CLK1: variants seen among roughly 807,000 people sequenced by gnomAD.
CLK1 encodes the protein CDC like kinase 1.
In CLK1, 40 loss-of-function variants were observed where a neutral mutation model predicts 60.9. That is an observed-to-expected ratio of 0.66 (90% CI 0.51 to 0.86). The LOEUF (loss-of-function observed/expected upper bound fraction) is 0.86. Ranked by LOEUF, CLK1 falls within the 40% of genes least tolerant of loss-of-function variation. The pLI, the probability that CLK1 is intolerant of heterozygous loss-of-function variation, is 0.00. For missense variants in CLK1, 563 were observed against 606.1 expected (o/e 0.93, Z 0.75); for synonymous variants, 203 against 184.4 (o/e 1.10, Z -0.82).
At chr2:200,862,811 AATC>A (rs574134049) in intron 1 of CLK1, among the ~76,000 whole-genome samples, 127 of 152,376 alleles carry the variant, frequency 8.3e-4, no homozygotes, top group African/African-American at 2.8e-3. Context: ...TTGCTGACAG[AATC>A]ATCATTACAG....
chr2:200,861,438 C>A lies in CLK1; in HGVS notation c.190G>T (p.Glu64Ter), dbSNP rs765219878. ...SHYLESRSIN[E>*]KDYHSRRYID... Reference sequence around the variant, plus strand: ...TAGCGTCGACTATGATAATCTTTCTCATTTATAGACCTGCTTTCCAAATAA... The same window carrying A: ...TAGCGTCGACTATGATAATCTTTCTAATTTATAGACCTGCTTTCCAAATAA... Residue 64 changes from glutamate (E) to a stop codon, truncating the protein, a stop_gained, in exon 3 of 13, where the codon GAG becomes TAG. Coordinates refer to ENST00000321356, the MANE Select transcript of CLK1 (RefSeq NM_004071.4). LOFTEE classifies it high-confidence loss of function. 9.3e-6 allele frequency: 15 copies of A among 1,613,752 alleles called. No individual in the cohort carries two copies. Among genetic ancestry groups the A allele is most frequent in the Non-Finnish European group, 1.2e-5 (14 of 1,179,938 alleles).
At position 200,859,681 on chromosome 2, in the gene CLK1, C is replaced by T. The variant is rs1052836339; in HGVS notation, c.547G>A (p.Ala183Thr). 1 of 1,612,448 alleles carries T rather than the reference C, an allele frequency of 6.2e-7. No homozygotes were observed. Among genetic ancestry groups the T allele is most frequent in the Non-Finnish European group, 8.5e-7 (1 of 1,179,276 alleles). Residue 183 changes from alanine (A) to threonine (T), a missense_variant and splice_region_variant, in exon 5 of 13, where the codon GCG becomes ACG. Ala to Thr is a moderately conservative substitution (Grantham distance 58, BLOSUM62 0). Coordinates refer to ENST00000321356, the MANE Select transcript of CLK1 (RefSeq NM_004071.4). Reference sequence around the variant, plus strand: ...GTAATCCCAACATGGGAAACTTACGCTTTATGATCGATGCACTCCACAACT... The same window carrying T: ...GTAATCCCAACATGGGAAACTTACGTTTTATGATCGATGCACTCCACAACT... ...GKVVECIDHK[A>T]GGRHVAVKIV...
At chr2:200,855,619 C>G (rs1276744222) in intron 9 of CLK1, among the ~76,000 whole-genome samples, 1 of 79,100 alleles carries the variant, frequency 1.3e-5, no homozygotes, top group African/African-American at 4.5e-5. Flanking sequence ...AGCAAGACTC[C>G]GCCCCCCCCC....
intron 9 of CLK1, 55 bp downstream of exon 9, chr2:200,856,627 A>AT: frequency 6.7e-7 from 1 of 1,493,124 alleles, no homozygotes; most frequent in African/African-American, 1.4e-5. Flanking sequence ...TGCTAAAAAA[A>AT]TTTTAAGTCT....
intron 3 of CLK1, 53 bp from the exon 4 acceptor site, chr2:200,860,268 G>A: frequency 4.3e-6 from 7 of 1,611,204 alleles, no homozygotes; most frequent in Non-Finnish European, 5.9e-6. Flanking sequence ...CAATATACCC[G>A]AGTGAATTCA....
In CLK1 at chr2:200,853,387, C is replaced by T. The variant is rs1559324935; in HGVS notation, c.1374G>A (p.Leu458=). The T allele has an allele frequency of 8.1e-6, 13 of 1,613,160 alleles. No individual in the cohort carries two copies. Among genetic ancestry groups the T allele is most frequent in the Middle Eastern group, 1.7e-4 (1 of 6,060 alleles). ...ERLFDLIQKM[L]EYDPAKRITL... The stretch of plus-strand genomic sequence containing the variant: ...TAATTCTTTTGGCTGGATCATACTC[C>T]AACATTTTCTGAATGAGGTCAAAGA... Residue 458 remains leucine (L), a synonymous_variant, in exon 13 of 13, where the codon TTG becomes TTA. Transcript: ENST00000321356.
chr2:200,857,950 C>A (rs1167145101), intron 6 of CLK1, 23 bp downstream of exon 6: 8 of 1,611,662 alleles, frequency 5.0e-6, no homozygotes, highest in Non-Finnish European at 5.9e-6. Context: ...ATACCACTTC[C>A]CAAGTTCTAA....
At chr2:200,853,531 T>C (rs1425344775) in intron 12 of CLK1, 82 bp from the exon 13 acceptor site, 1 of 1,261,792 alleles carries the variant, frequency 7.9e-7, no homozygotes. Context: ...AAACCATATA[T>C]ATATAACCAC....
chr2:200,857,226 A>T, intron 7 of CLK1: 1 of 480,758 alleles, frequency 2.1e-6, no homozygotes, highest in East Asian at 3.7e-5. Context: ...GAATCACTTG[A>T]ACTGGGGAGG....
intron 9 of CLK1, 144 bp downstream of exon 9, chr2:200,856,538 G>A (rs1368111269): frequency 1.6e-5 from 10 of 606,744 alleles, no homozygotes; most frequent in Non-Finnish European, 2.8e-5. Context: ...ACAATTGAGA[G>A]CTTAAAATCC....
chr2:200,859,388 T>C (rs1246946071), intron 5 of CLK1, among the ~76,000 whole-genome samples: 1 of 151,894 alleles, frequency 6.6e-6, no homozygotes, highest in South Asian at 2.1e-4. Flanking sequence ...ACCACTAATA[T>C]GGTGGGGGAA....
At chr2:200,864,120 C>T in intron 1 of CLK1, 1 of 1,551,124 alleles carries the variant, frequency 6.4e-7, no homozygotes, top group Non-Finnish European at 8.7e-7. Flanking sequence ...CGTTTCCCCA[C>T]AGCTGCTTGG....
intron 11 of CLK1, among the ~76,000 whole-genome samples, 183 bp downstream of exon 11, chr2:200,854,433 G>A (rs1383913552): frequency 6.6e-6 from 1 of 151,770 alleles, no homozygotes; most frequent in Non-Finnish European, 1.5e-5. Flanking sequence ...CTACTCGGGA[G>A]GCTGAGACAG....
intron 10 of CLK1, 128 bp from the exon 11 acceptor site, chr2:200,854,823 G>T: frequency 1.2e-6 from 1 of 805,328 alleles, no homozygotes; most frequent in Non-Finnish European, 2.1e-6. Context: ...ACATGGACAC[G>T]GATAATTGCT....
chr2:200,859,537 C>A, intron 5 of CLK1, 143 bp downstream of exon 5: 1 of 559,324 alleles, frequency 1.8e-6, no homozygotes, highest in Non-Finnish European at 3.2e-6. Context: ...GGGCAAGTAC[C>A]TCTTAACTGG....
intron 3 of CLK1, chr2:200,860,730 T>C: frequency 1.0e-6 from 1 of 999,314 alleles, no homozygotes; most frequent in Non-Finnish European, 1.2e-6. Flanking sequence ...CTACGGCATT[T>C]TTAATGTCAT....
At position 200,853,678 on chromosome 2, in the gene CLK1, T is replaced by TGA. The variant is rs1553605580; in HGVS notation, c.1311+223_1311+224dup. 1.4e-4 allele frequency among the ~76,000 whole-genome samples: 9 copies of TGA among 63,450 alleles called. No individual in the cohort carries two copies. The East Asian group carries it at 2.1e-3, about 15-fold the overall frequency. The allele number at this position is 63,450 out of a possible 152,430, so 41.6% of individuals were successfully genotyped here. The stretch of plus-strand genomic sequence containing the variant: ...CAACATAGTAAAACTTGTCTTTACT[T>TGA]GAAAAAAAAAAAAAAAAAAAAAAAA... On this transcript the variant is annotated intron_variant, in intron 12 of 12. Transcript: ENST00000321356.
At position 200,853,182 on chromosome 2, in the gene CLK1, CAAAA is replaced by C; in HGVS notation, c.*120_*123del. ...TACTTAATGAACCAAATTACCCAAA[CAAAA>C]TAAACATGGCAATATAAAAATGTTA... On this transcript the variant is annotated 3_prime_UTR_variant, in exon 13 of 13. Coordinates refer to ENST00000321356, the MANE Select transcript of CLK1 (RefSeq NM_004071.4). The C allele has an allele frequency of 1.4e-6, 1 of 708,914 alleles. No individual in the cohort carries two copies. Among genetic ancestry groups the C allele is most frequent in the Non-Finnish European group, 2.2e-6 (1 of 457,662 alleles). The allele number at this position is 708,914 out of a possible 1,614,324, so 43.9% of individuals were successfully genotyped here. A position where few individuals can be genotyped will look rare whatever the true frequency, so the allele number is the denominator to read the frequency against.
rs1296314290 is a variant in CLK1 at position 200,853,349 on chromosome 2, G to A, written c.1412C>T (p.Ala471Val). 6.2e-7 allele frequency: 1 copy of A among 1,612,820 alleles called. No homozygotes were observed. Among genetic ancestry groups the A allele is most frequent in the South Asian group, 1.1e-5 (1 of 90,994 alleles). ...DPAKRITLRE[A>V]LKHPFFDLLK... The stretch of plus-strand genomic sequence containing the variant: ...AAGGTCAAAGAAAGGATGCTTTAAG[G>A]CTTCTCTGAGAGTAATTCTTTTGGC... Residue 471 changes from alanine (A) to valine (V), a missense_variant, in exon 13 of 13, where the codon GCC (alanine) becomes GTC (valine). Transcript: ENST00000321356.
Sources: allele counts gnomAD v4.1 joint callset (sites outside exome capture counted in the v4.1 genomes callset), GRCh38; gene constraint gnomAD v4.1.1; transcripts MANE v1.5; gene names NCBI Gene and HGNC (gene_info 2026-07-23, HGNC 2026-07-21).